The following SP140 variants were observed in gnomAD, a reference collection of about 807,000 sequenced individuals.
SP140 encodes the protein nuclear body protein SP140.
Under a neutral mutation model 125.0 loss-of-function variants are expected in SP140, and 81 were observed. That is an observed-to-expected ratio of 0.65 (90% CI 0.54 to 0.78). The LOEUF (loss-of-function observed/expected upper bound fraction) is 0.78. Ranked by LOEUF, SP140 falls within the 30% of genes least tolerant of loss-of-function variation. The pLI is 0.00. For synonymous variants in SP140, 312 were observed against 354.0 expected (o/e 0.88, Z 1.33); for missense variants, 858 against 1,037.0 (o/e 0.83, Z 2.37).
chr2:230,219,759 G>T (rs1321546636), intron 3 of SP140: 2 of 203,360 alleles, frequency 9.8e-6, no homozygotes, highest in East Asian at 3.7e-4. Flanking sequence ...TGAGCTCTGA[G>T]AGAGCCTCAG....
intron 1 of SP140, among the ~76,000 whole-genome samples, chr2:230,234,211 CT>C (rs760253406): frequency 2.6e-5 from 4 of 152,222 alleles, no homozygotes; most frequent in Non-Finnish European, 5.9e-5. Flanking sequence ...CACCAGCCCT[CT>C]GCACAGAGGA....
intron 9 of SP140, 96 bp from the exon 10 acceptor site, chr2:230,250,885 T>C: frequency 1.5e-6 from 2 of 1,376,532 alleles, no homozygotes; most frequent in Non-Finnish European, 2.0e-6. Context: ...AGGGCCTGGG[T>C]GATGGACAGC....
intron 12 of SP140, among the ~76,000 whole-genome samples, chr2:230,269,164 T>C (rs2053564164): frequency 6.6e-6 from 1 of 152,186 alleles, no homozygotes; most frequent in African/African-American, 2.4e-5. Flanking sequence ...CTGCCAGTAA[T>C]GGGCTCGCTT....
At chr2:230,315,182 C>T (rs1056836396), downstream of SP140, among the ~76,000 whole-genome samples, 1 of 152,170 alleles carries the variant, frequency 6.6e-6, no homozygotes, top group African/African-American at 2.4e-5. Context: ...GACCCCTTGC[C>T]CAGCTTCCAA....
chr2:230,285,422 A>T (rs949310634), intron 16 of SP140, among the ~76,000 whole-genome samples: 1 of 152,220 alleles, frequency 6.6e-6, no homozygotes, highest in African/African-American at 2.4e-5. Context: ...GAAAGAAAAA[A>T]AAGTGGCTGC....
rs141859285 is a variant in SP140 at position 230,273,368 on chromosome 2, G to A, written c.1498+2729G>A. Among the ~76,000 whole-genome samples the A allele has an allele frequency of 5.0e-3, 758 of 152,292 alleles. 8 individuals are homozygous for A. Among genetic ancestry groups the A allele is most frequent in the African/African-American group, 0.017 (725 of 41,576 alleles). ...AAGCTCAACATCACTGATGATTAGA[G>A]AAATGCAAATCAAAACCAAAATGAG... On this transcript the variant is annotated intron_variant, in intron 15 of 26. Coordinates refer to ENST00000392045, the MANE Select transcript of SP140 (RefSeq NM_007237.5).
intron 17 of SP140, among the ~76,000 whole-genome samples, chr2:230,287,183 C>G (rs750777118): frequency 1.3e-5 from 2 of 152,162 alleles, no homozygotes; most frequent in African/African-American, 4.8e-5. Context: ...CTCAATTCTA[C>G]CCATTCCTCA....
chr2:230,197,120 C>T, the SP140 span, among the ~76,000 whole-genome samples: 14 of 152,126 alleles, frequency 9.2e-5, no homozygotes, highest in African/African-American at 2.2e-4. Flanking sequence ...ATCACCACAC[C>T]GATTTCCACA....
chr2:230,192,433 A>C, the SP140 span, among the ~76,000 whole-genome samples: 2 of 152,240 alleles, frequency 1.3e-5, no homozygotes, highest in African/African-American at 4.8e-5. Context: ...CAACTTCAAC[A>C]AAGTCTCAGG....
chr2:230,283,836 A>G (rs1285657959), intron 15 of SP140, among the ~76,000 whole-genome samples: 1 of 152,214 alleles, frequency 6.6e-6, no homozygotes, highest in East Asian at 1.9e-4. Context: ...AGGAGGGCTG[A>G]CAGTGTGGAG....
intron 1 of SP140, chr2:230,212,640 G>T (rs1248640564): frequency 1.5e-6 from 2 of 1,347,388 alleles, no homozygotes; most frequent in Non-Finnish European, 1.1e-6. Context: ...GTTGTGTTTG[G>T]GTAGATGGGT....
At position 230,307,955 on chromosome 2, in the gene SP140, GTATATATATATATATATATA is replaced by G. The variant is rs60233854; in HGVS notation, c.2059-1952_2059-1933del. On this transcript the variant is annotated intron_variant, in intron 22 of 26. Transcript: ENST00000392045. The stretch of plus-strand genomic sequence containing the variant: ...ATGAAAAAGACACTTGGACATGCAT[GTATATATATATATATATATA>G]TATATATATATATATACACACACAC... Among the ~76,000 whole-genome samples, 393 of 48,432 alleles carry G rather than the reference GTATATATATATATATATATA, an allele frequency of 8.1e-3. 18 individuals are homozygous for G. Among genetic ancestry groups the G allele is most frequent in the Non-Finnish European group, 0.015 (299 of 20,156 alleles). 31.8% of individuals were successfully genotyped at this position (48,432 alleles called of 152,430 possible).
At chr2:230,291,285 T>C (rs1480419849) in intron 19 of SP140, among the ~76,000 whole-genome samples, 3 of 152,254 alleles carry the variant, frequency 2.0e-5, no homozygotes. Flanking sequence ...TACTGAGATA[T>C]AGTTCACATA....
In SP140 at chr2:230,266,904, A is replaced by G. The variant is rs369305684; in HGVS notation, c.1241-2628A>G. ...GCTCTTAAAAGGCTCATAAGGTTAA[A>G]CCAGATCCACTCTATTAGTCTCTCT... On this transcript the variant is annotated intron_variant, in intron 12 of 26. Transcript: ENST00000392045. Among the ~76,000 whole-genome samples the G allele has an allele frequency of 1.4e-4, 21 of 152,304 alleles. No individual in the cohort carries two copies. In the South Asian group the frequency reaches 4.4e-3, roughly 32 times the overall value.
intron 3 of SP140, among the ~76,000 whole-genome samples, chr2:230,214,783 T>TG (rs1365075243): frequency 6.6e-6 from 1 of 152,212 alleles, no homozygotes; most frequent in Non-Finnish European, 1.5e-5. Flanking sequence ...GGGATCAGCT[T>TG]TAGCAAGGGG....
rs1370692075 is a variant in SP140 at position 230,287,916 on chromosome 2, C to A, written c.1670C>A (p.Thr557Asn). The change falls in exon 18 of 27, where the codon ACC (threonine) becomes AAC (asparagine). Residue 557 changes from threonine (T) to asparagine (N), a missense_variant. Thr to Asn is a moderately conservative substitution (Grantham distance 65). Transcript: ENST00000392045. ...GGGAGAAAGAGAGGCAAACCTGGAACCCGCTTCACTCAGAGTGACAGAGCT... is the reference window on the plus strand; with the variant it reads ...GGGAGAAAGAGAGGCAAACCTGGAAACCGCTTCACTCAGAGTGACAGAGCT... ...IRGRKRGKPG[T>N]RFTQSDRAAQ... is the part of the protein sequence containing the mutation. The A allele has an allele frequency of 1.2e-6, 2 of 1,611,938 alleles. No individual in the cohort carries two copies. Among genetic ancestry groups the A allele is most frequent in the East Asian group, 2.2e-5 (1 of 44,886 alleles).
In SP140 at chr2:230,297,134, C is replaced by T; in HGVS notation, c.2017-287C>T. Among the ~76,000 whole-genome samples, 2 of 152,132 alleles carry T rather than the reference C, an allele frequency of 1.3e-5. 1 individual carries two copies. The highest frequency in any genetic ancestry group is 3.8e-4 in the East Asian group (2 of 5,198). On this transcript the variant is annotated intron_variant, in intron 21 of 26. Transcript: ENST00000392045. Reference sequence around the variant, plus strand: ...CCAACACAGGAGTAAGACAGAGAAACTATATTTAATGGGTTATCATAGAAA... The same window carrying T: ...CCAACACAGGAGTAAGACAGAGAAATTATATTTAATGGGTTATCATAGAAA...
intron 3 of SP140, 41 bp from the exon 4 acceptor site, chr2:230,241,361 GGT>G: frequency 8.1e-7 from 1 of 1,230,216 alleles, no homozygotes; most frequent in South Asian, 1.2e-5. Flanking sequence ...TCTCTCCTCT[GGT>G]CACTGTCTGA....
At chr2:230,187,440 T>C in the SP140 span, among the ~76,000 whole-genome samples, 3 of 152,174 alleles carry the variant, frequency 2.0e-5, no homozygotes, top group Admixed American at 2.0e-4. Flanking sequence ...ATTCTGTGGG[T>C]TGTCTGTTTA....
Sources: gnomAD v4.1 joint callset for allele counts (sites outside exome capture counted in the v4.1 genomes callset) on GRCh38, gnomAD v4.1.1 for gene constraint, MANE v1.5 for transcripts, NCBI Gene and HGNC (gene_info 2026-07-23, HGNC 2026-07-21) for gene names.